Variants in KHDRBS2 observed in about 807,000 individuals in gnomAD.
KHDRBS2 encodes the protein KH domain-containing, RNA-binding, signal transduction-associated protein 2.
Under a neutral mutation model 44.3 loss-of-function variants are expected in KHDRBS2, and 26 were observed. That is an observed-to-expected ratio of 0.59 (90% confidence interval 0.43 to 0.81). The LOEUF is 0.81. KHDRBS2 is among the 40% of genes least tolerant of loss of function. KHDRBS2 has a pLI of 0.00. For synonymous variants in KHDRBS2, 194 were observed against 151.1 expected, an observed-to-expected ratio of 1.28 and a Z score of -2.08; for missense variants, 476 against 433.1, an observed-to-expected ratio of 1.10 and a Z score of -0.88.
chr6:61,971,662 C>T (rs866117314), intron 4 of KHDRBS2, among the ~76,000 whole-genome samples: 48 of 152,146 alleles, frequency 3.2e-4, no homozygotes, highest in African/African-American at 1.2e-3. Flanking sequence ...TCCACTTTCT[C>T]TCTTTGTCTC....
the KHDRBS2 span, among the ~76,000 whole-genome samples, chr6:61,668,399 A>G: frequency 8.6e-5 from 13 of 151,214 alleles, no homozygotes; most frequent in African/African-American, 3.1e-4. Flanking sequence ...GGACACAGAC[A>G]TTTTCCAAAA....
At position 61,729,043 on chromosome 6, in the gene KHDRBS2, C is replaced by T. The variant is rs181018095; in HGVS notation, c.893+3639G>A. Among the ~76,000 whole-genome samples the T allele has an allele frequency of 1.7e-3, 259 of 152,188 alleles. 1 individual carries two copies. The highest frequency in any genetic ancestry group is 5.9e-3 in the African/African-American group (243 of 41,522). ...ACATGCACTTGTATGTTTATTGCAGCACTAGTCACAATAGCAAAGACGTGG... is the reference window on the plus strand; with the variant it reads ...ACATGCACTTGTATGTTTATTGCAGTACTAGTCACAATAGCAAAGACGTGG... On this transcript the variant is annotated intron_variant, in intron 7 of 8. Transcript: ENST00000281156.
rs1239241307 is a variant in KHDRBS2 at position 61,901,259 on chromosome 6, G to A, written c.596C>T (p.Pro199Leu). 2 of 1,612,476 alleles carry A rather than the reference G, an allele frequency of 1.2e-6. No homozygotes were observed. Among genetic ancestry groups the A allele is most frequent in the Non-Finnish European group, 1.7e-6 (2 of 1,179,340 alleles). Residue 199 changes from proline (P) to leucine (L), a missense_variant, in exon 5 of 9, where the codon CCC becomes CTC. Transcript: ENST00000281156. ...GIRGRGIRIA[P>L]TAPSRGRGGA... ...ATGAATGTACCTTGAAGGAGCTGTG[G>A]GAGCTATTCTGATCCCTCTGCCTCT...
rs575034002 is a variant in KHDRBS2, at chr6:62,157,192, A to G, written c.219+19993T>C. ...ATCATGGTGAAACCCCGTCTCTACT[A>G]AAAATAAGTAGTCCCAGCTACTCGG... On this transcript the variant is annotated intron_variant, in intron 2 of 8. Coordinates refer to ENST00000281156, the MANE Select transcript of KHDRBS2 (RefSeq NM_152688.4). Among the ~76,000 whole-genome samples the G allele has an allele frequency of 4.6e-5, 7 of 151,540 alleles. No homozygotes were observed. In the South Asian group the frequency reaches 1.5e-3, roughly 32 times the overall value.
At chr6:61,721,200 AGTC>A (rs906306547) in intron 7 of KHDRBS2, among the ~76,000 whole-genome samples, 1 of 152,112 alleles carries the variant, frequency 6.6e-6, no homozygotes, top group Non-Finnish European at 1.5e-5. Context: ...TATAGTTTGA[AGTC>A]AGGTAGTGTG....
intron 2 of KHDRBS2, among the ~76,000 whole-genome samples, chr6:62,176,795 C>T (rs575013002): frequency 2.8e-4 from 43 of 151,286 alleles, no homozygotes; most frequent in African/African-American, 9.6e-4. Flanking sequence ...TAATAATTCC[C>T]TGCTGATTTT....
intron 2 of KHDRBS2, among the ~76,000 whole-genome samples, chr6:62,049,638 C>T (rs1238802697): frequency 3.3e-5 from 5 of 151,882 alleles, no homozygotes; most frequent in Admixed American, 6.6e-5. Context: ...GTAAATTTGT[C>T]TTTTCTGTTC....
At chr6:61,622,689 C>T in the KHDRBS2 span, among the ~76,000 whole-genome samples, 1 of 152,094 alleles carries the variant, frequency 6.6e-6, no homozygotes, top group Non-Finnish European at 1.5e-5. Context: ...GCCTGAGTTT[C>T]CCCGGCAGGA....
rs56386313 is a variant in KHDRBS2, at chr6:61,723,156, AAAACAAACAAAC to A, written c.893+9514_893+9525del. 7.7e-4 allele frequency among the ~76,000 whole-genome samples: 116 copies of A among 150,502 alleles called. 1 individual carries two copies. The highest frequency in any genetic ancestry group is 6.6e-3 in the South Asian group (31 of 4,730). ...CTATAGACAAGTGGCCTGACCATAAAAAACAAACAAACAAACAAACAAACAGAAAACAACAAT... is the reference window on the plus strand; with the variant it reads ...CTATAGACAAGTGGCCTGACCATAAAAAACAAACAAACAGAAAACAACAAT... On this transcript the variant is annotated intron_variant, in intron 7 of 8. Transcript: ENST00000281156.
intron 4 of KHDRBS2, among the ~76,000 whole-genome samples, chr6:61,941,552 G>C (rs1338329724): frequency 1.3e-5 from 2 of 152,092 alleles, no homozygotes; most frequent in Non-Finnish European, 2.9e-5. Context: ...ACTAGGGCCT[G>C]AAGACTGATC....
chr6:62,101,455 T>A (rs1186770204), intron 2 of KHDRBS2, among the ~76,000 whole-genome samples: 1 of 152,154 alleles, frequency 6.6e-6, no homozygotes, highest in Non-Finnish European at 1.5e-5. Flanking sequence ...ACAGATCACT[T>A]TGACTGCTGT....
intron 7 of KHDRBS2, among the ~76,000 whole-genome samples, chr6:61,708,672 C>T (rs1292194626): frequency 2.0e-5 from 3 of 151,448 alleles, no homozygotes; most frequent in South Asian, 2.1e-4. Context: ...CCAAAATTAA[C>T]GAGTACACTA....
intron 2 of KHDRBS2, among the ~76,000 whole-genome samples, chr6:62,093,132 C>T (rs954119371): frequency 6.6e-6 from 1 of 150,566 alleles, no homozygotes; most frequent in Non-Finnish European, 1.5e-5. Flanking sequence ...GGCATAAACT[C>T]ATTAAAAATC....
intron 7 of KHDRBS2, among the ~76,000 whole-genome samples, chr6:61,708,439 A>G (rs2127549356): frequency 6.6e-6 from 1 of 151,674 alleles, no homozygotes; most frequent in East Asian, 1.9e-4. Context: ...CTCAAATATC[A>G]CTGGCTCTCA....
chr6:62,198,257 T>C (rs1826110207), intron 1 of KHDRBS2, among the ~76,000 whole-genome samples: 2 of 151,744 alleles, frequency 1.3e-5, no homozygotes, highest in African/African-American at 4.8e-5. Context: ...CTGAAGGAAA[T>C]AGAGACACAA....
intron 1 of KHDRBS2, among the ~76,000 whole-genome samples, chr6:62,193,129 A>G (rs903546912): frequency 5.3e-5 from 8 of 152,136 alleles, no homozygotes; most frequent in Non-Finnish European, 8.8e-5. Flanking sequence ...AAACGAATAT[A>G]TATGTATATA....
chr6:61,861,913 T>C (rs994424174), intron 6 of KHDRBS2, among the ~76,000 whole-genome samples: 6 of 152,172 alleles, frequency 3.9e-5, no homozygotes, highest in Non-Finnish European at 8.8e-5. Flanking sequence ...TAGTTCTCCT[T>C]GAAGAAGTCC....
chr6:61,625,377 G>A, the KHDRBS2 span, among the ~76,000 whole-genome samples: 4 of 149,242 alleles, frequency 2.7e-5, no homozygotes, highest in Non-Finnish European at 4.4e-5. Context: ...TGAGGCATTC[G>A]AGATGGACTG....
intron 6 of KHDRBS2, among the ~76,000 whole-genome samples, chr6:61,855,628 G>T (rs1408607025): frequency 7.1e-6 from 1 of 141,594 alleles, no homozygotes; most frequent in Non-Finnish European, 1.5e-5. Flanking sequence ...CTGGTGCTTT[G>T]TTTTGTTTTG....
Sources: allele counts gnomAD v4.1 joint callset (sites outside exome capture counted in the v4.1 genomes callset), GRCh38; gene constraint gnomAD v4.1.1; transcripts MANE v1.5; gene names NCBI Gene and HGNC (gene_info 2026-07-23, HGNC 2026-07-21).